Variants in MGAM observed in about 807,000 individuals in gnomAD.
The protein encoded by MGAM is maltase-glucoamylase.
MGAM carries 253 observed loss-of-function variants against 358.8 expected under a neutral mutation model. The observed-to-expected ratio is 0.71, with a 90% CI of 0.64 to 0.78. The LOEUF is 0.78. Among genes scored for constraint, MGAM ranks in the 30% least tolerant of loss-of-function variants. MGAM has a pLI of 0.00. For missense variants in MGAM, 3,080 were observed against 3,432.6 expected, an observed-to-expected ratio of 0.90 and a Z score of 2.57; for synonymous variants, 1,105 against 1,227.1, an observed-to-expected ratio of 0.90 and a Z score of 2.08.
chr7:142,079,090 A>C, intron 49 of MGAM, 82 bp downstream of exon 49: 1 of 1,207,560 alleles, frequency 8.3e-7, no homozygotes, highest in East Asian at 2.5e-5. Context: ...ACACAACCCT[A>C]AAATAAGTTA....
At chr7:142,028,409 A>G (rs10225000) in intron 10 of MGAM, among the ~76,000 whole-genome samples, 12,481 of 152,230 alleles carry the variant, frequency 0.082, 1,314 homozygotes, top group African/African-American at 0.24. Flanking sequence ...TTATATTGCT[A>G]GAACAACCAT....
chr7:142,060,417 G>A (rs778415635), intron 34 of MGAM, 44 bp downstream of exon 34: 5 of 1,597,664 alleles, frequency 3.1e-6, no homozygotes, highest in Non-Finnish European at 4.3e-6. Context: ...GGGTTTGTAG[G>A]CAGGGGCAGC....
At position 142,030,347 on chromosome 7, in the gene MGAM, T is replaced by C. The variant is rs781987857; in HGVS notation, c.1222-15T>C. ...ATTCCTAGGTGCTAATTGTGGACTT[T>C]GTATATTCTTTCAGGATGTTCAGCA... On this transcript the variant is annotated splice_polypyrimidine_tract_variant and intron_variant, in intron 10 of 70. Transcript: ENST00000475668. The C allele has an allele frequency of 3.7e-6, 6 of 1,610,886 alleles. No individual in the cohort carries two copies. In the African/African-American group the frequency reaches 5.3e-5, roughly 14 times the overall value.
intron 9 of MGAM, 73 bp from the exon 10 acceptor site, chr7:142,027,537 G>A: frequency 6.5e-7 from 1 of 1,529,394 alleles, no homozygotes; most frequent in Non-Finnish European, 9.0e-7. Flanking sequence ...TTGGTGCTCT[G>A]AAAGCAATGC....
Position 142,085,757 on chromosome 7 carries a change from G to A in MGAM, c.6508-76G>A. 2 of 1,453,320 alleles carry A rather than the reference G, an allele frequency of 1.4e-6. 1 individual carries two copies. The highest frequency in any genetic ancestry group is 1.9e-6 in the Non-Finnish European group (2 of 1,066,762). The allele number at this position is 1,453,320 out of a possible 1,614,324, so 90.0% of individuals were successfully genotyped here. A position where few individuals can be genotyped will look rare whatever the true frequency, so the allele number is the denominator to read the frequency against. On this transcript the variant is annotated intron_variant, in intron 54 of 70. Transcript: ENST00000475668. Reference sequence around the variant, plus strand: ...GAAGCTATCTGGAATTCCACCATGGGTGGTGGAGGCTTGTTCTCCTATAAA... The same window carrying A: ...GAAGCTATCTGGAATTCCACCATGGATGGTGGAGGCTTGTTCTCCTATAAA...
At position 142,035,094 on chromosome 7, in the gene MGAM, T is replaced by G. The variant is rs546776948; in HGVS notation, c.1959+253T>G. On this transcript the variant is annotated intron_variant, in intron 16 of 70. Transcript: ENST00000475668. The stretch of plus-strand genomic sequence containing the variant: ...CTTTCTATTAAAGTGTAACATACTT[T>G]ATACAGAAAAGTGTATGTATCCTTA... Among the ~76,000 whole-genome samples the G allele has an allele frequency of 7.2e-5, 11 of 152,316 alleles. 1 individual carries two copies. Among genetic ancestry groups the G allele is most frequent in the African/African-American group, 2.6e-4 (11 of 41,586 alleles).
chr7:142,030,796 G>A, intron 12 of MGAM, 39 bp downstream of exon 12: 2 of 1,317,260 alleles, frequency 1.5e-6, no homozygotes, highest in Non-Finnish European at 2.2e-6. Context: ...TGGAGGGGCT[G>A]CATAGGGGTG....
chr7:141,998,289 G>T (rs1804435105), intron 1 of MGAM, among the ~76,000 whole-genome samples: 1 of 152,106 alleles, frequency 6.6e-6, no homozygotes, highest in African/African-American at 2.4e-5. Flanking sequence ...TGCAGAATGT[G>T]CAGGTTCGTT....
chr7:142,069,017 G>A (rs1335790768), intron 43 of MGAM, among the ~76,000 whole-genome samples: 3 of 146,430 alleles, frequency 2.0e-5, no homozygotes, highest in Non-Finnish European at 3.1e-5. Context: ...AAAGGCAGAT[G>A]CTAGCCAACA....
intron 62 of MGAM, 46 bp from the exon 63 acceptor site, chr7:142,094,701 C>T (rs777465497): frequency 5.0e-6 from 8 of 1,612,832 alleles, no homozygotes; most frequent in Non-Finnish European, 5.9e-6. Flanking sequence ...GTGGGGACAT[C>T]TTTCAGAAAT....
At chr7:142,045,361 TATATA>T (rs1247660828) in intron 21 of MGAM, among the ~76,000 whole-genome samples, 1 of 96,900 alleles carries the variant, frequency 1.0e-5, no homozygotes, top group Non-Finnish European at 1.9e-5. Context: ...TAATACATGA[TATATA>T]ATATATATTA....
In MGAM at chr7:142,056,133, A is replaced by G. The variant is rs137963343; in HGVS notation, c.3580+37A>G. The G allele has an allele frequency of 4.7e-5, 73 of 1,551,192 alleles. 1 individual carries two copies. In the Middle Eastern group the frequency reaches 1.3e-3, roughly 28 times the overall value. ...AGCACCTCCCTTATTTTGGGGGGATACCAATCATGCCTGAGTCAATTTACA... is the reference window on the plus strand; with the variant it reads ...AGCACCTCCCTTATTTTGGGGGGATGCCAATCATGCCTGAGTCAATTTACA... On this transcript the variant is annotated intron_variant, in intron 29 of 70. Transcript: ENST00000475668.
Position 142,068,700 on chromosome 7 carries a change from C to A in MGAM, c.5058C>A (p.Tyr1686Ter). ...YFPRARWYDYYTGVDINARGE... is the reference protein window; with the variant it reads ...YFPRARWYDY ...CTAGAGCCCGTTGGTACGATTACTA[C>A]ACGGTAAGTTTTTCTGAATGTTTAT... The change falls in exon 43 of 71, where the codon TAC (tyrosine) becomes TAA (stop). Residue 1686 changes from tyrosine (Y) to a stop codon, truncating the protein, a stop_gained. Coordinates refer to ENST00000475668, the MANE Select transcript of MGAM (RefSeq NM_001365693.1). LOFTEE classifies it high-confidence loss of function. 6.6e-7 allele frequency: 1 copy of A among 1,521,984 alleles called. No homozygotes were observed. The highest frequency in any genetic ancestry group is 9.1e-7 in the Non-Finnish European group (1 of 1,103,990). The allele number at this position is 1,521,984 out of a possible 1,614,324, so 94.3% of individuals were successfully genotyped here. A position where few individuals can be genotyped will look rare whatever the true frequency, so the allele number is the denominator to read the frequency against.
rs1812865101 is a variant in MGAM, at chr7:142,067,473, T to C, written c.5004+48T>C. The C allele has an allele frequency of 3.5e-6, 5 of 1,445,008 alleles. No individual in the cohort carries two copies. In the Admixed American group the frequency reaches 8.7e-5, roughly 25 times the overall value. 89.5% of individuals were successfully genotyped at this position (1,445,008 alleles called of 1,614,324 possible). A position where few individuals can be genotyped will look rare whatever the true frequency, so the allele number is the denominator to read the frequency against. Reference sequence around the variant, plus strand: ...AGGGGAGGATCCCAGCTGTGAGGCTTGGGGAAAAGGACGAGGAGAAGAGGC... The same window carrying C: ...AGGGGAGGATCCCAGCTGTGAGGCTCGGGGAAAAGGACGAGGAGAAGAGGC... On this transcript the variant is annotated intron_variant, in intron 42 of 70. Transcript: ENST00000475668.
At chr7:142,007,945 G>A (rs782435075) in intron 2 of MGAM, among the ~76,000 whole-genome samples, 1 of 152,110 alleles carries the variant, frequency 6.6e-6, no homozygotes, top group Non-Finnish European at 1.5e-5. Context: ...TTGCTGCTGG[G>A]GTTGGAAGTA....
In MGAM at chr7:142,027,521, CTA is replaced by C. The variant is rs1480931416; in HGVS notation, c.1096-87_1096-86del. ...ATGAATCAGTGCATTGGGAAATGGA[CTA>C]TGTTTGGTGCTCTGAAAGCAATGCT... On this transcript the variant is annotated intron_variant, in intron 9 of 70. Coordinates refer to ENST00000475668, the MANE Select transcript of MGAM (RefSeq NM_001365693.1). The C allele has an allele frequency of 1.8e-5, 25 of 1,376,614 alleles. No homozygotes were observed. The African/African-American group carries it at 2.0e-4, about 11-fold the overall frequency. The allele number at this position is 1,376,614 out of a possible 1,614,324, so 85.3% of individuals were successfully genotyped here. A position where few individuals can be genotyped will look rare whatever the true frequency, so the allele number is the denominator to read the frequency against.
rs1192842380 is a variant in MGAM at position 142,045,028 on chromosome 7, ATACACGTGTAATATATGATATATAATATG to A, written c.2499-2754_2499-2726del. On this transcript the variant is annotated intron_variant, in intron 21 of 70. Transcript: ENST00000475668. ...ATATGATATATAATATGTATATTGT[ATACACGTGTAATATATGATATATAATATG>A]TATATTATATATACGTGTAATATAT... Among the ~76,000 whole-genome samples, 18 of 103,422 alleles carry A rather than the reference ATACACGTGTAATATATGATATATAATATG, an allele frequency of 1.7e-4. 2 individuals are homozygous for A. Among genetic ancestry groups the A allele is most frequent in the Non-Finnish European group, 2.7e-4 (14 of 52,780 alleles). 67.8% of individuals were successfully genotyped at this position (103,422 alleles called of 152,430 possible).
chr7:142,005,399 T>A, intron 1 of MGAM, 130 bp from the exon 2 acceptor site: 1 of 635,304 alleles, frequency 1.6e-6, no homozygotes, highest in Middle Eastern at 4.4e-4. Context: ...AATTTTTTAA[T>A]TTAGATAATG....
intron 43 of MGAM, among the ~76,000 whole-genome samples, chr7:142,070,633 C>T (rs1395054622): frequency 4.1e-5 from 6 of 145,504 alleles, no homozygotes; most frequent in African/African-American, 1.5e-4. Context: ...AATTGTCTGG[C>T]CCCAAATCTC....
Sources: allele counts gnomAD v4.1 joint callset (sites outside exome capture counted in the v4.1 genomes callset), GRCh38; gene constraint gnomAD v4.1.1; transcripts MANE v1.5; gene names NCBI Gene and HGNC (gene_info 2026-07-23, HGNC 2026-07-21).